The following HABP2 variants were observed in gnomAD, a reference collection of about 807,000 sequenced individuals.
HABP2 encodes hyaluronan binding protein 2, also known as factor VII-activating protease.
A neutral mutation model predicts 66.5 loss-of-function variants in HABP2; 65 were observed. The observed-to-expected ratio is 0.98, with a 90% confidence interval of 0.80 to 1.20. The LOEUF is 1.20. Ranked by LOEUF, HABP2 falls within the 50% of genes most tolerant of loss-of-function variation. The pLI is 0.00. For synonymous variants in HABP2, 263 were observed against 253.9 expected, an observed-to-expected ratio of 1.04 and a Z score of -0.34; for missense variants, 786 against 691.0, an observed-to-expected ratio of 1.14 and a Z score of -1.54.
chr10:113,587,862 A>C (rs1161043722), intron 12 of HABP2, among the ~76,000 whole-genome samples: 1 of 152,090 alleles, frequency 6.6e-6, no homozygotes, highest in Non-Finnish European at 1.5e-5. Context: ...CACCTAGGCC[A>C]CGCTGCCTTG....
At chr10:113,572,635 C>T (rs971029801) in intron 2 of HABP2, 2 of 427,378 alleles carry the variant, frequency 4.7e-6, no homozygotes, top group African/African-American at 2.1e-5. Context: ...TTTTCTCCCT[C>T]TCTTTCTCTG....
Position 113,580,581 on chromosome 10 carries a change from G to C in HABP2, c.741-14G>C, listed in dbSNP as rs755894185. ...TCAAGCCTTGACTCTGAGTTGTTTT[G>C]TTTTGTATTTTAGAAACCCAGATGC... On this transcript the variant is annotated splice_polypyrimidine_tract_variant and intron_variant, in intron 7 of 12. Transcript: ENST00000351270. The C allele has an allele frequency of 7.1e-7, 1 of 1,399,020 alleles. No homozygotes were observed. The highest frequency in any genetic ancestry group is 1.0e-6 in the Non-Finnish European group (1 of 983,646). The allele number at this position is 1,399,020 out of a possible 1,614,324, so 86.7% of individuals were successfully genotyped here.
At chr10:113,574,562 T>G (rs1203973382) in intron 3 of HABP2, among the ~76,000 whole-genome samples, 157 bp downstream of exon 3, 4 of 152,206 alleles carry the variant, frequency 2.6e-5, no homozygotes, top group Admixed American at 1.3e-4. Context: ...TTCTGTTAGA[T>G]TCATATGCTA....
chr10:113,578,564 C>T, intron 6 of HABP2, 63 bp from the exon 7 acceptor site: 1 of 1,141,376 alleles, frequency 8.8e-7, no homozygotes, highest in Non-Finnish European at 1.3e-6. Flanking sequence ...ACCCACCAAG[C>T]CCTTTTTGGG....
chr10:113,562,341 C>G (rs936815832), intron 1 of HABP2, among the ~76,000 whole-genome samples: 3 of 151,776 alleles, frequency 2.0e-5, no homozygotes, highest in African/African-American at 7.3e-5. Flanking sequence ...CCGCAGTAGG[C>G]TGGCCAAGGC....
At chr10:113,586,146 G>A (rs1845629360) in intron 12 of HABP2, among the ~76,000 whole-genome samples, 1 of 152,240 alleles carries the variant, frequency 6.6e-6, no homozygotes, top group African/African-American at 2.4e-5. Context: ...TGACCACAGA[G>A]GTCACATTGC....
chr10:113,561,416 A>G (rs1845098134), intron 1 of HABP2, among the ~76,000 whole-genome samples: 1 of 152,064 alleles, frequency 6.6e-6, no homozygotes, highest in African/African-American at 2.4e-5. Context: ...GCCCTGCTGA[A>G]CTGTGCACAC....
chr10:113,554,352 A>G (rs1284522412), intron 1 of HABP2, among the ~76,000 whole-genome samples: 1 of 152,192 alleles, frequency 6.6e-6, no homozygotes, highest in African/African-American at 2.4e-5. Flanking sequence ...ATTTCACTCC[A>G]TAGAGCGTTT....
At chr10:113,572,523 T>C (rs1015265344) in intron 2 of HABP2, 20 of 233,908 alleles carry the variant, frequency 8.6e-5, no homozygotes, top group Admixed American at 3.4e-4. Flanking sequence ...GAACAAGAAA[T>C]AACTAAGCAA....
At position 113,581,953 on chromosome 10, in the gene HABP2, A is replaced by AT. The variant is rs1157267883; in HGVS notation, c.917dup (p.Ala307SerfsTer13). The AT allele has an allele frequency of 6.2e-7, 1 of 1,614,100 alleles. No individual in the cohort carries two copies. The highest frequency in any genetic ancestry group is 1.3e-5 in the African/African-American group (1 of 74,952). On this transcript the variant is annotated frameshift_variant, in exon 9 of 13. Transcript: ENST00000351270. LOFTEE classifies it high-confidence loss of function. ...GTTTGACTCCTGTGGAAAGACTGAG[A>AT]TAGCAGAGAGGAAGATCAAGAGAAT...
chr10:113,582,029 T>G lies in HABP2; in HGVS notation c.992T>G (p.Leu331Arg), dbSNP rs754664748. Residue 331 changes from leucine to arginine, a missense_variant, in exon 9 of 13, where the codon CTC becomes CGC. Transcript: ENST00000351270. ...TAGKHPWQAS[L>R]QSSLPLTISM... ...GGCAAGCACCCATGGCAGGCGTCCC[T>G]CCAGTCCTCGCTGCCTCTGACCATC... 1 of 1,613,968 alleles carries G rather than the reference T, an allele frequency of 6.2e-7. No homozygotes were observed. The highest frequency in any genetic ancestry group is 8.5e-7 in the Non-Finnish European group (1 of 1,180,022).
At chr10:113,570,628 G>A (rs537152583) in intron 2 of HABP2, among the ~76,000 whole-genome samples, 3 of 152,332 alleles carry the variant, frequency 2.0e-5, no homozygotes, top group South Asian at 2.1e-4. Context: ...TTTCTAGATC[G>A]CTACAGAGCT....
chr10:113,564,158 T>C (rs930120467), intron 1 of HABP2, among the ~76,000 whole-genome samples: 5 of 152,132 alleles, frequency 3.3e-5, no homozygotes, highest in South Asian at 2.1e-4. Flanking sequence ...CAAAACAGTG[T>C]ATGCAGGGGA....
At chr10:113,580,727 G>T (rs375238541) in intron 8 of HABP2, 35 bp downstream of exon 8, 16 of 1,083,160 alleles carry the variant, frequency 1.5e-5, no homozygotes, top group South Asian at 7.6e-5. Context: ...CCCAGGGGGT[G>T]GGGGGGATGG....
intron 2 of HABP2, chr10:113,572,692 A>G (rs1325945446): frequency 2.2e-6 from 1 of 455,452 alleles, no homozygotes; most frequent in African/African-American, 2.0e-5. Context: ...CCAGGAAGAC[A>G]ATGGCCTTAT....
chr10:113,565,622 C>T (rs1375455415), intron 1 of HABP2, among the ~76,000 whole-genome samples: 1 of 152,228 alleles, frequency 6.6e-6, no homozygotes, highest in Admixed American at 6.5e-5. Flanking sequence ...ATTGAGGCCC[C>T]ACCTCCAACA....
intron 4 of HABP2, 46 bp from the exon 5 acceptor site, chr10:113,577,104 G>A (rs751600981): frequency 9.3e-7 from 1 of 1,070,374 alleles, no homozygotes; most frequent in South Asian, 1.3e-5. Context: ...ATCCCTCTAA[G>A]GAAAATGTGC....
At chr10:113,552,538 T>A (rs1844916710), upstream of HABP2, among the ~76,000 whole-genome samples, 1 of 152,202 alleles carries the variant, frequency 6.6e-6, no homozygotes, top group Non-Finnish European at 1.5e-5. Flanking sequence ...AAAACAAAAC[T>A]TTTGAAGCCA....
Position 113,584,290 on chromosome 10 carries a change from G to C in HABP2, c.1372+8G>C. 6.2e-7 allele frequency: 1 copy of C among 1,613,042 alleles called. No individual in the cohort carries two copies. Among genetic ancestry groups the C allele is most frequent in the Non-Finnish European group, 8.5e-7 (1 of 1,179,056 alleles). The stretch of plus-strand genomic sequence containing the variant: ...GGGGTGTTACAGAAACAGGTGAGTC[G>C]GCCATGCACTCTCCCATGACTTAGG... On this transcript the variant is annotated splice_region_variant and intron_variant, in intron 11 of 12. Transcript: ENST00000351270.
Sources: gnomAD v4.1 joint callset for allele counts (sites outside exome capture counted in the v4.1 genomes callset) on GRCh38, gnomAD v4.1.1 for gene constraint, MANE v1.5 for transcripts, NCBI Gene and HGNC (gene_info 2026-07-23, HGNC 2026-07-21) for gene names.